The following TRAPPC9 variants were observed in gnomAD, a reference collection of about 807,000 sequenced individuals.
The protein encoded by TRAPPC9 is IKK2 binding protein.
TRAPPC9 carries 83 observed loss-of-function variants against 124.0 expected under a neutral mutation model. The ratio of observed to expected loss-of-function variants is 0.67; its 90% CI spans 0.56 to 0.80. The LOEUF (loss-of-function observed/expected upper bound fraction) is 0.80, where lower values mean the gene tolerates loss of function less well. Among genes scored for constraint, TRAPPC9 ranks in the 30% least tolerant of loss-of-function variants. The pLI is 0.00. For missense variants in TRAPPC9, 1,302 were observed against 1,508.3 expected (o/e 0.86, Z 2.27); for synonymous variants, 638 against 617.5 (o/e 1.03, Z -0.49).
intron 16 of TRAPPC9, among the ~76,000 whole-genome samples, chr8:140,229,921 T>C (rs1000415250): frequency 1.3e-5 from 2 of 152,156 alleles, no homozygotes; most frequent in East Asian, 1.9e-4. Context: ...CAACATCACA[T>C]AGGCAGAAAA....
chr8:139,822,399 C>T (rs371005159), intron 21 of TRAPPC9, among the ~76,000 whole-genome samples: 15 of 152,262 alleles, frequency 9.9e-5, no homozygotes, highest in East Asian at 3.9e-4. Context: ...TCATGTGCTC[C>T]GAGAGAACAA....
At chr8:140,015,566 T>A (rs1348804963) in intron 18 of TRAPPC9, among the ~76,000 whole-genome samples, 5 of 152,018 alleles carry the variant, frequency 3.3e-5, no homozygotes, top group Admixed American at 3.3e-4. Context: ...GGTGGGTGGA[T>A]CACTTGAGGT....
chr8:139,962,558 G>C lies in TRAPPC9; in HGVS notation c.2810+26168C>G, dbSNP rs1835415309. 1.6e-5 allele frequency among the ~76,000 whole-genome samples: 2 copies of C among 124,490 alleles called. 1 individual carries two copies. Among genetic ancestry groups the C allele is most frequent in the East Asian group, 4.4e-4 (2 of 4,520 alleles). 81.7% of individuals were successfully genotyped at this position (124,490 alleles called of 152,430 possible). On this transcript the variant is annotated intron_variant, in intron 19 of 22. Transcript: ENST00000438773. ...ATTGGAACATTTATCCATGTTGCCA[G>C]AATAAACTTGGGGTGAGCCTGAAGT...
At chr8:140,007,236 C>T (rs1377613428) in intron 18 of TRAPPC9, among the ~76,000 whole-genome samples, 1 of 152,190 alleles carries the variant, frequency 6.6e-6, no homozygotes, top group Non-Finnish European at 1.5e-5. Context: ...GAAGAACGCA[C>T]GTAATCAGGG....
intron 21 of TRAPPC9, among the ~76,000 whole-genome samples, chr8:139,857,145 G>A (rs1348524002): frequency 6.6e-5 from 10 of 152,190 alleles, no homozygotes; most frequent in Admixed American, 6.5e-4. Flanking sequence ...GAGTGTGAGA[G>A]TCCATGGTTT....
chr8:140,451,055 C>T lies in TRAPPC9; in HGVS notation c.319G>A (p.Gly107Ser), dbSNP rs1357437109. ...AGCCGGGAGTCATACAGTGTGGAGC[C>T]GTAGATCTCCTTCTGCACGTGGAAC... ...EKFHVQKEIY[G>S]STLYDSRLFV... The change falls in exon 2 of 23, where the codon GGC (glycine) becomes AGC (serine). Residue 107 changes from glycine to serine, a missense_variant. Around this residue, in one of 3 missense-constraint regions of TRAPPC9, gnomAD observed 657 missense variants for 811.2 expected, o/e 0.81. Coordinates refer to ENST00000438773, the MANE Select transcript of TRAPPC9 (RefSeq NM_001160372.4). 4 of 1,613,890 alleles carry T rather than the reference C, an allele frequency of 2.5e-6. No individual in the cohort carries two copies. The highest frequency in any genetic ancestry group is 3.4e-6 in the Non-Finnish European group (4 of 1,180,012).
chr8:140,397,813 T>A, intron 6 of TRAPPC9, 68 bp from the exon 7 acceptor site: 1 of 1,599,672 alleles, frequency 6.3e-7, no homozygotes, highest in South Asian at 1.1e-5. Flanking sequence ...TTCTAAAGGC[T>A]GTGCTACTGG....
intron 17 of TRAPPC9, among the ~76,000 whole-genome samples, chr8:140,080,723 GT>G (rs2129990381): frequency 6.6e-6 from 1 of 152,316 alleles, no homozygotes; most frequent in East Asian, 1.9e-4. Flanking sequence ...TCAAGCAAGA[GT>G]TTTGGTGGAA....
At chr8:140,406,075 G>A (rs1043657958) in intron 5 of TRAPPC9, among the ~76,000 whole-genome samples, 3 of 151,944 alleles carry the variant, frequency 2.0e-5, no homozygotes, top group Non-Finnish European at 4.4e-5. Context: ...ATCCTCAAAG[G>A]AGGTCAACTA....
intron 19 of TRAPPC9, among the ~76,000 whole-genome samples, chr8:139,919,178 T>C (rs912869832): frequency 1.3e-5 from 2 of 152,214 alleles, no homozygotes; most frequent in Non-Finnish European, 2.9e-5. Context: ...GGGCATGGGC[T>C]TGCAGCAACA....
rs1038648997 is a variant in TRAPPC9, at chr8:140,104,820, G to T, written c.2557-80741C>A. Among the ~76,000 whole-genome samples the T allele has an allele frequency of 6.6e-6, 1 of 152,202 alleles. No homozygotes were observed. Among genetic ancestry groups the T allele is most frequent in the Non-Finnish European group, 1.5e-5 (1 of 68,030 alleles). On this transcript the variant is annotated intron_variant, in intron 17 of 22. Transcript: ENST00000438773. The surrounding 1 kb of genome is among the most constrained non-coding windows in gnomAD (Gnocchi z 4.0). ...TGTGATTAGGACATTTCCCAGAGTT[G>T]CCTCGAACTGAAGCCTTACTTCCTC... is the stretch of plus-strand genomic sequence containing the variant.
At chr8:140,051,532 C>T (rs1251486059) in intron 17 of TRAPPC9, among the ~76,000 whole-genome samples, 1 of 151,358 alleles carries the variant, frequency 6.6e-6, no homozygotes, top group Non-Finnish European at 1.5e-5. Flanking sequence ...AACAGGCTTC[C>T]TCCTCCCACC....
At chr8:140,413,054 CG>C (rs1350579519) in intron 5 of TRAPPC9, among the ~76,000 whole-genome samples, 2 of 152,228 alleles carry the variant, frequency 1.3e-5, no homozygotes, top group Non-Finnish European at 2.9e-5. Flanking sequence ...GAGCTGGGCA[CG>C]GGGAATCCAC....
intron 17 of TRAPPC9, among the ~76,000 whole-genome samples, chr8:140,198,657 C>A (rs976127243): frequency 1.3e-5 from 2 of 152,140 alleles, no homozygotes; most frequent in Non-Finnish European, 1.5e-5. Context: ...GTTGGCTCTG[C>A]GTGAATTACT....
At chr8:140,224,955 C>A (rs1178182504) in intron 16 of TRAPPC9, among the ~76,000 whole-genome samples, 1 of 152,162 alleles carries the variant, frequency 6.6e-6, no homozygotes, top group Non-Finnish European at 1.5e-5. Context: ...TTCTACCTGG[C>A]TGAATGAACT....
intron 7 of TRAPPC9, among the ~76,000 whole-genome samples, chr8:140,396,430 T>G (rs2069098853): frequency 6.6e-6 from 1 of 152,090 alleles, no homozygotes; most frequent in South Asian, 2.1e-4. Flanking sequence ...CGTGAGCCAC[T>G]GCGCCTGGCC....
rs80105622 is a variant in TRAPPC9 at position 140,127,235 on chromosome 8, C to T, written c.2556+94224G>A. Among the ~76,000 whole-genome samples, 1,007 of 152,292 alleles carry T rather than the reference C, an allele frequency of 6.6e-3. 7 individuals are homozygous for T. Among genetic ancestry groups the T allele is most frequent in the Non-Finnish European group, 0.011 (769 of 68,022 alleles). On this transcript the variant is annotated intron_variant, in intron 17 of 22. Transcript: ENST00000438773. The stretch of plus-strand genomic sequence containing the variant: ...GAACAAACAAGGATCTGGATAGAAG[C>T]TCTGTGAGGCATGCACCAAGCCTAC...
chr8:140,444,685 AC>A (rs35123329), intron 2 of TRAPPC9, among the ~76,000 whole-genome samples: 116 of 150,446 alleles, frequency 7.7e-4, no homozygotes, highest in Admixed American at 2.0e-3. Context: ...ACATGGTGAG[AC>A]CCCCCCCATC....
intron 10 of TRAPPC9, among the ~76,000 whole-genome samples, chr8:140,303,090 C>T (rs979917904): frequency 1.3e-5 from 2 of 152,158 alleles, no homozygotes; most frequent in Admixed American, 1.3e-4. Flanking sequence ...AAACACCTCT[C>T]TGAATAAATG....
Sources: allele counts gnomAD v4.1 joint callset (sites outside exome capture counted in the v4.1 genomes callset), GRCh38; gene constraint gnomAD v4.1.1; regional missense constraint gnomAD v4.1.1; non-coding constraint Gnocchi (gnomAD v3.1); transcripts MANE v1.5; gene names NCBI Gene and HGNC (gene_info 2026-07-23, HGNC 2026-07-21).